The following CCDC57 variants were observed in gnomAD, a reference collection of about 807,000 sequenced individuals.
CCDC57 encodes the protein coiled-coil domain containing 57.
In CCDC57, 118 loss-of-function variants were observed where a neutral mutation model predicts 118.9. That is an observed-to-expected ratio of 0.99 (90% confidence interval 0.86 to 1.16). CCDC57 has a LOEUF of 1.16. Among genes scored for constraint, CCDC57 ranks in the 50% most tolerant of loss-of-function variants. The pLI is 0.00. For synonymous variants in CCDC57, 527 were observed against 532.9 expected (o/e 0.99, Z 0.15); for missense variants, 1,300 against 1,320.7 (o/e 0.98, Z 0.24).
At chr17:82,155,746 G>C (rs1378552371) in intron 15 of CCDC57, 1 of 152,382 alleles carries the variant, frequency 6.6e-6, no homozygotes, top group East Asian at 1.9e-4. Context: ...CAAGCAGCAA[G>C]GACCTGGGCC....
chr17:82,182,147 T>C (rs758432634), intron 9 of CCDC57, among the ~76,000 whole-genome samples: 2 of 151,984 alleles, frequency 1.3e-5, no homozygotes, highest in Non-Finnish European at 2.9e-5. Context: ...TTGAGAACAT[T>C]ATCACAGCAT....
chr17:82,189,374 C>CTA (rs1005334360), intron 7 of CCDC57, among the ~76,000 whole-genome samples: 7 of 152,108 alleles, frequency 4.6e-5, no homozygotes, highest in Non-Finnish European at 1.0e-4. Context: ...AAGCAGAGTG[C>CTA]TATCAGGTAT....
At position 82,183,952 on chromosome 17, in the gene CCDC57, T is replaced by A. The variant is rs1207795171; in HGVS notation, c.1053-20A>T. ...CGAAGTCTAAACATAGAAGGGAAAC[T>A]ATGTAGATGTGGTTCTCACTCACTA... On this transcript the variant is annotated intron_variant, in intron 8 of 19. Coordinates refer to ENST00000665763, the Ensembl canonical transcript of CCDC57. The A allele has an allele frequency of 6.2e-7, 1 of 1,608,238 alleles. No homozygotes were observed. Among genetic ancestry groups the A allele is most frequent in the Non-Finnish European group, 8.5e-7 (1 of 1,176,262 alleles).
In CCDC57 at chr17:82,118,866, G is replaced by T. The variant is rs2036267952; in HGVS notation, c.2899+8826C>A. Among the ~76,000 whole-genome samples, 1 of 151,638 alleles carries T rather than the reference G, an allele frequency of 6.6e-6. No individual in the cohort carries two copies. Among genetic ancestry groups the T allele is most frequent in the South Asian group, 2.1e-4 (1 of 4,790 alleles). On this transcript the variant is annotated intron_variant, in intron 19 of 19. Transcript: ENST00000665763. The surrounding 1 kb of genome is among the most constrained non-coding windows in gnomAD (Gnocchi z 4.7). Reference sequence around the variant, plus strand: ...CGTATCTAAGGTTAACCCTCTTCCGGCCATTTGTAAATACTCCATTCTACT... The same window carrying T: ...CGTATCTAAGGTTAACCCTCTTCCGTCCATTTGTAAATACTCCATTCTACT...
chr17:82,132,213 T>C (rs755757727), intron 17 of CCDC57, among the ~76,000 whole-genome samples: 10 of 151,736 alleles, frequency 6.6e-5, no homozygotes, highest in Non-Finnish European at 1.0e-4. Context: ...CTAACAGATA[T>C]TAAAATAGGT....
rs546549466 is a variant in CCDC57, at chr17:82,128,620, A to G, written c.2578-23T>C. On this transcript the variant is annotated intron_variant, in intron 17 of 19. Transcript: ENST00000665763. ...GTCCTGCCGTGGGGATTTAAATGAG[A>G]GGACTCTGGTATTCACATGTACTGA... 161 of 1,535,804 alleles carry G rather than the reference A, an allele frequency of 1.0e-4. 3 individuals are homozygous for G. The South Asian group carries it at 1.7e-3, about 17-fold the overall frequency.
chr17:82,161,065 C>G (rs1271924117), intron 14 of CCDC57, among the ~76,000 whole-genome samples: 1 of 152,070 alleles, frequency 6.6e-6, no homozygotes, highest in South Asian at 2.1e-4. Context: ...CCAAAGAAGA[C>G]AAATGGCTCA....
intron 13 of CCDC57, among the ~76,000 whole-genome samples, chr17:82,165,730 C>T (rs2043911648): frequency 6.6e-6 from 1 of 152,166 alleles, no homozygotes; most frequent in African/African-American, 2.4e-5. Context: ...TCCACAGAAC[C>T]AGCACAGCAA....
intron 8 of CCDC57, among the ~76,000 whole-genome samples, chr17:82,185,582 G>A (rs1405444032): frequency 6.6e-6 from 1 of 151,768 alleles, no homozygotes; most frequent in Non-Finnish European, 1.5e-5. Context: ...TCACGCCACT[G>A]CACTCCAGCC....
exon 14 of CCDC57, chr17:82,163,240 A>G (rs1173058291): frequency 1.2e-6 from 2 of 1,613,962 alleles, no homozygotes; most frequent in Non-Finnish European, 1.7e-6. Context: ...TAGGAGCTGC[A>G]CTCTGTCCCC....
At position 82,158,074 on chromosome 17, in the gene CCDC57, T is replaced by A; in HGVS notation, c.2041-126A>T. On this transcript the variant is annotated intron_variant, in intron 14 of 19. Transcript: ENST00000665763. The stretch of plus-strand genomic sequence containing the variant: ...CGGGGAGCCCGGGGTCAGGGCCTCC[T>A]CCCCAGCTGGATGCAACTGCCCTCA... 5 of 1,445,900 alleles carry A rather than the reference T, an allele frequency of 3.5e-6. 1 individual carries two copies. The South Asian group carries it at 7.2e-5, about 21-fold the overall frequency. The allele number at this position is 1,445,900 out of a possible 1,614,324, so 89.6% of individuals were successfully genotyped here.
intron 19 of CCDC57, among the ~76,000 whole-genome samples, chr17:82,124,076 GGGCTACCAAA>G (rs1473204680): frequency 3.3e-5 from 5 of 152,090 alleles, no homozygotes; most frequent in African/African-American, 4.8e-5. Flanking sequence ...GTGGTGGCGG[GGGCTACCAAA>G]GGCTGCAGGA....
In CCDC57 at chr17:82,157,743, C is replaced by T. The variant is rs1320429393; in HGVS notation, c.2241+5G>A. 1.3e-6 allele frequency: 2 copies of T among 1,584,632 alleles called. No individual in the cohort carries two copies. The highest frequency in any genetic ancestry group is 1.7e-6 in the Non-Finnish European group (2 of 1,168,248). On this transcript the variant is annotated splice_donor_5th_base_variant and intron_variant, in intron 15 of 19. Coordinates refer to ENST00000665763, the Ensembl canonical transcript of CCDC57. The stretch of plus-strand genomic sequence containing the variant: ...GGGTGGCAGGAGGAGCTAGCGGGCA[C>T]CCACCTCTCTCCCAAGGGCCACGGC...
chr17:82,116,640 A>C (rs8080305), intron 19 of CCDC57, among the ~76,000 whole-genome samples: 80,620 of 151,998 alleles, frequency 0.53, 22,162 homozygotes, highest in African/African-American at 0.57. Flanking sequence ...CAGCTATGGG[A>C]TCTGTGGCCA....
At chr17:82,107,467 A>G (rs2034938005) in intron 19 of CCDC57, 1 of 470,172 alleles carries the variant, frequency 2.1e-6, no homozygotes, top group South Asian at 1.5e-5. Context: ...GCTGCACGGC[A>G]CACGGGGCGA....
intron 19 of CCDC57, chr17:82,113,168 G>A: frequency 1.8e-6 from 1 of 562,012 alleles, no homozygotes; most frequent in Non-Finnish European, 3.2e-6. Flanking sequence ...TTCTCAGAAA[G>A]TTCCAAGACT....
At chr17:82,127,354 A>G (rs2037608697) in intron 19 of CCDC57, 1 of 966,222 alleles carries the variant, frequency 1.0e-6, no homozygotes, top group Admixed American at 6.2e-5. Flanking sequence ...CCTGGGCTCC[A>G]TTCTAAGTCA....
chr17:82,141,401 C>T (rs937534484), intron 16 of CCDC57, among the ~76,000 whole-genome samples: 13 of 152,198 alleles, frequency 8.5e-5, no homozygotes, highest in Non-Finnish European at 1.9e-4. Context: ...CAAGGCTGGT[C>T]TTGATCTCCT....
chr17:82,151,687 G>T, exon 16 of CCDC57: 1 of 1,550,404 alleles, frequency 6.4e-7, no homozygotes. Flanking sequence ...GCATAGATAA[G>T]GTCTGGGGGG....
Sources: gnomAD v4.1 joint callset for allele counts (sites outside exome capture counted in the v4.1 genomes callset) on GRCh38, gnomAD v4.1.1 for gene constraint, Gnocchi (gnomAD v3.1) non-coding constraint, MANE v1.5 for transcripts, NCBI Gene and HGNC (gene_info 2026-07-23, HGNC 2026-07-21) for gene names.